The following SSUH2 variants were observed in gnomAD, a reference collection of about 807,000 sequenced individuals.
The protein encoded by SSUH2 is ssu-2 homolog, also known as protein SSUH2 homolog.
Under a neutral mutation model 55.3 loss-of-function variants are expected in SSUH2, and 47 were observed. The ratio of observed to expected loss-of-function variants is 0.85; its 90% CI spans 0.67 to 1.08. SSUH2 has a LOEUF of 1.08. Among genes scored for constraint, SSUH2 ranks in the 50% least tolerant of loss-of-function variants. SSUH2 has a pLI of 0.00. For missense variants in SSUH2, 535 were observed against 490.7 expected (o/e 1.09, Z -0.85); for synonymous variants, 212 against 191.5 (o/e 1.11, Z -0.89).
chr3:8,633,577 C>G, intron 4 of SSUH2, 89 bp downstream of exon 4: 3 of 1,131,860 alleles, frequency 2.7e-6, no homozygotes, highest in Non-Finnish European at 3.7e-6. Context: ...TTTCCCCTGG[C>G]CACATCACAC....
intron 10 of SSUH2, 146 bp from the exon 11 acceptor site, chr3:8,623,802 A>T (rs1041233225): frequency 5.3e-6 from 3 of 566,662 alleles, no homozygotes; most frequent in Admixed American, 3.2e-5. Context: ...GGAATTTCAA[A>T]AACAGGAAAA....
intron 1 of SSUH2, among the ~76,000 whole-genome samples, chr3:8,680,159 C>T (rs1300846308): frequency 6.6e-6 from 1 of 152,192 alleles, no homozygotes; most frequent in Non-Finnish European, 1.5e-5. Context: ...CGGTGGCCTA[C>T]GTCTCTAAAC....
At chr3:8,681,339 G>A (rs574641267) in intron 1 of SSUH2, among the ~76,000 whole-genome samples, 4 of 147,174 alleles carry the variant, frequency 2.7e-5, no homozygotes, top group African/African-American at 5.0e-5. Flanking sequence ...CACCCCCCGC[G>A]GCTCGGGGAC....
chr3:8,634,771 GCTCCA>G, intron 3 of SSUH2: 2 of 371,192 alleles, frequency 5.4e-6, no homozygotes, highest in South Asian at 4.1e-5. Flanking sequence ...ATAGGGGGCA[GCTCCA>G]CCTTCTCTCC....
At chr3:8,622,965 C>T (rs1273409931) in intron 11 of SSUH2, among the ~76,000 whole-genome samples, 3 of 152,234 alleles carry the variant, frequency 2.0e-5, no homozygotes, top group Non-Finnish European at 4.4e-5. Flanking sequence ...TGCTGTCCCA[C>T]TTCATGCAGC....
intron 7 of SSUH2, among the ~76,000 whole-genome samples, chr3:8,653,976 G>T (rs1185620681): frequency 6.6e-6 from 1 of 152,170 alleles, no homozygotes. Context: ...GATACATTTG[G>T]ACTCAAACAG....
At position 8,625,631 on chromosome 3, in the gene SSUH2, C is replaced by G; in HGVS notation, c.784G>C (p.Glu262Gln). 1 of 1,613,532 alleles carries G rather than the reference C, an allele frequency of 6.2e-7. No individual in the cohort carries two copies. Among genetic ancestry groups the G allele is most frequent in the Non-Finnish European group, 8.5e-7 (1 of 1,179,522 alleles). The change falls in exon 10 of 12, where the codon GAG becomes CAG. Residue 262 changes from glutamate (E) to glutamine (Q), a missense_variant. Glu to Gln is a conservative substitution (Grantham distance 29, BLOSUM62 2). Transcript: ENST00000544814. ...LVIMWKNSLF[E>Q]FVSEHRLNCP... ...TTGAGCCGGTGCTCAGACACAAACT[C>G]AAACAAGCTGTTCTTCCTGGAGGGA...
intron 8 of SSUH2, chr3:8,627,476 C>T: frequency 2.5e-6 from 1 of 403,788 alleles, no homozygotes. Context: ...CACACTCTTT[C>T]CACATATATT....
intron 4 of SSUH2, among the ~76,000 whole-genome samples, chr3:8,633,139 C>T (rs559327404): frequency 2.6e-4 from 35 of 136,768 alleles, no homozygotes; most frequent in East Asian, 2.3e-3. Flanking sequence ...TGTTTGATGA[C>T]GCCTTTTTTT....
At chr3:8,635,276 C>T (rs1183070122) in intron 3 of SSUH2, 24 bp downstream of exon 3, 16 of 1,521,750 alleles carry the variant, frequency 1.1e-5, no homozygotes, top group Non-Finnish European at 1.3e-5. Context: ...TGCACACAGT[C>T]ACAGAGTACA....
chr3:8,667,188 A>G (rs1437541586), intron 5 of SSUH2, among the ~76,000 whole-genome samples: 1 of 152,232 alleles, frequency 6.6e-6, no homozygotes, highest in Non-Finnish European at 1.5e-5. Flanking sequence ...TCTTGATTAT[A>G]TAACAAACAA....
chr3:8,635,351 G>A lies in SSUH2; in HGVS notation c.158C>T (p.Ala53Val), dbSNP rs1475236376. 1.3e-6 allele frequency: 2 copies of A among 1,536,070 alleles called. No individual in the cohort carries two copies. The highest frequency in any genetic ancestry group is 1.2e-5 in the South Asian group (1 of 84,042). ...RGQIFFPPLE[A>V]PGRPQEQRSW... ...CCTTTGCTCCTGGGGCCTCCCTGGG[G>A]CCTCCAAAGGTGGGAAGAATATCTG... Residue 53 changes from alanine to valine, a missense_variant, in exon 3 of 12, where the codon GCC becomes GTC. Transcript: ENST00000544814.
intron 6 of SSUH2, among the ~76,000 whole-genome samples, chr3:8,661,656 G>T (rs934363918): frequency 6.6e-6 from 1 of 152,186 alleles, no homozygotes; most frequent in Admixed American, 6.5e-5. Context: ...TTTTGCACCA[G>T]TGCCCTCAGC....
chr3:8,670,489 A>T (rs1467060984), intron 5 of SSUH2, among the ~76,000 whole-genome samples: 1 of 152,078 alleles, frequency 6.6e-6, no homozygotes, highest in Non-Finnish European at 1.5e-5. Context: ...ATGTGACATT[A>T]GGGAGAGCAT....
intron 1 of SSUH2, 106 bp from the exon 2 acceptor site, chr3:8,635,963 C>T (rs1699860369): frequency 5.3e-6 from 5 of 945,738 alleles, no homozygotes; most frequent in East Asian, 2.7e-5. Context: ...AAAAGCCTCA[C>T]GTTTAAGCCA....
At chr3:8,678,672 G>T (rs1304744014) in intron 2 of SSUH2, among the ~76,000 whole-genome samples, 1 of 51,080 alleles carries the variant, frequency 2.0e-5, no homozygotes, top group East Asian at 1.3e-3. Context: ...CCCGCGAGGC[G>T]GGGATTGAGA....
At chr3:8,631,021 T>C in intron 5 of SSUH2, 92 bp from the exon 6 acceptor site, 2 of 1,263,934 alleles carry the variant, frequency 1.6e-6, no homozygotes, top group African/African-American at 3.1e-5. Context: ...CTTCAGTTGG[T>C]GCCAGGCATG....
chr3:8,646,839 T>C (rs1701736739), upstream of SSUH2, among the ~76,000 whole-genome samples: 1 of 152,206 alleles, frequency 6.6e-6, no homozygotes, highest in Non-Finnish European at 1.5e-5. Flanking sequence ...GCGCCCACTA[T>C]GTGCCTGACA....
intron 2 of SSUH2, 80 bp downstream of exon 2, chr3:8,635,679 C>T (rs978218436): frequency 3.0e-6 from 4 of 1,318,804 alleles, no homozygotes; most frequent in Non-Finnish European, 4.1e-6. Context: ...ATCTCAGCAC[C>T]ACCTTTTTCC....
Sources: gnomAD v4.1 joint callset for allele counts (sites outside exome capture counted in the v4.1 genomes callset) on GRCh38, gnomAD v4.1.1 for gene constraint, MANE v1.5 for transcripts, NCBI Gene and HGNC (gene_info 2026-07-23, HGNC 2026-07-21) for gene names.